GABBR2: variants seen among roughly 807,000 people sequenced by gnomAD.
GABBR2 encodes G-protein coupled receptor 51.
In GABBR2, 23 loss-of-function variants were observed where a neutral mutation model predicts 105.6. The observed-to-expected ratio is 0.22, with a 90% CI of 0.16 to 0.31. The LOEUF (loss-of-function observed/expected upper bound fraction) is 0.31, where lower values mean the gene tolerates loss of function less well. GABBR2 is among the 10% of genes least tolerant of loss of function. GABBR2 has a pLI of 1.00. For synonymous variants in GABBR2, 478 were observed against 499.7 expected (o/e 0.96, Z 0.58); for missense variants, 734 against 1,245.5 (o/e 0.59, Z 6.18).
intron 7 of GABBR2, among the ~76,000 whole-genome samples, chr9:98,428,327 C>T (rs188578172): frequency 1.3e-5 from 2 of 152,208 alleles, no homozygotes; most frequent in African/African-American, 4.8e-5. Flanking sequence ...GAAGGAGAAG[C>T]CACAGCCATG....
intron 1 of GABBR2, among the ~76,000 whole-genome samples, chr9:98,583,694 C>T (rs967800994): frequency 2.0e-5 from 3 of 152,232 alleles, no homozygotes; most frequent in African/African-American, 7.2e-5. Flanking sequence ...ATGATCAAGT[C>T]ACCAAATCAC....
At chr9:98,561,675 G>C (rs777518746) in intron 2 of GABBR2, among the ~76,000 whole-genome samples, 1 of 152,192 alleles carries the variant, frequency 6.6e-6, no homozygotes, top group Non-Finnish European at 1.5e-5. Flanking sequence ...TTGAGCCTAG[G>C]AGTTTGAATC....
chr9:98,651,139 G>GTTTTTTTT (rs55727456), intron 1 of GABBR2, among the ~76,000 whole-genome samples: 1 of 129,572 alleles, frequency 7.7e-6, no homozygotes, highest in Non-Finnish European at 1.6e-5. Flanking sequence ...ACACACACTG[G>GTTTTTTTT]TTTTTTTTTT....
intron 13 of GABBR2, among the ~76,000 whole-genome samples, chr9:98,344,444 C>G (rs994603222): frequency 6.6e-6 from 1 of 152,204 alleles, no homozygotes; most frequent in Non-Finnish European, 1.5e-5. Flanking sequence ...CCATCAGACT[C>G]TAAAGAAGAG....
chr9:98,420,330 C>G (rs955789358), intron 7 of GABBR2, among the ~76,000 whole-genome samples: 1 of 152,184 alleles, frequency 6.6e-6, no homozygotes, highest in Non-Finnish European at 1.5e-5. Context: ...GGAATGCCAG[C>G]CTCAGCCGGC....
At chr9:98,390,901 T>C (rs965792316) in intron 9 of GABBR2, among the ~76,000 whole-genome samples, 8 of 152,230 alleles carry the variant, frequency 5.3e-5, no homozygotes, top group African/African-American at 1.9e-4. Flanking sequence ...TCCTTCTTAC[T>C]CCTTCTTCTG....
rs140799903 is a variant in GABBR2 at position 98,652,300 on chromosome 9, A to C, written c.321+56117T>G. On this transcript the variant is annotated intron_variant, in intron 1 of 18. Coordinates refer to ENST00000259455, the MANE Select transcript of GABBR2 (RefSeq NM_005458.8). Reference sequence around the variant, plus strand: ...ACCTTCCCTCCCAGCCCCATTCTGCACTCTCAGGTCCAACTTGAACTCCCT... The same window carrying C: ...ACCTTCCCTCCCAGCCCCATTCTGCCCTCTCAGGTCCAACTTGAACTCCCT... 1.6e-3 allele frequency among the ~76,000 whole-genome samples: 249 copies of C among 152,096 alleles called. 1 individual carries two copies. The highest frequency in any genetic ancestry group is 5.7e-3 in the African/African-American group (236 of 41,470).
intron 1 of GABBR2, among the ~76,000 whole-genome samples, chr9:98,693,094 TCCTCAATCCCAG>T: frequency 6.6e-6 from 1 of 152,284 alleles, no homozygotes; most frequent in African/African-American, 2.4e-5. Context: ...ACCTCGAGGT[TCCTCAATCCCAG>T]CCTCTAAGCC....
chr9:98,631,952 G>A (rs1829820671), intron 1 of GABBR2, among the ~76,000 whole-genome samples: 1 of 152,156 alleles, frequency 6.6e-6, no homozygotes, highest in South Asian at 2.1e-4. Context: ...CAGACTTGAG[G>A]TTATGAAGCT....
At chr9:98,352,774 A>G (rs1015367054) in intron 13 of GABBR2, among the ~76,000 whole-genome samples, 2 of 151,908 alleles carry the variant, frequency 1.3e-5, no homozygotes, top group Non-Finnish European at 2.9e-5. Flanking sequence ...GGTGTGGTAC[A>G]TTGATGTTCT....
At chr9:98,451,578 T>C (rs1826230470) in intron 7 of GABBR2, among the ~76,000 whole-genome samples, 1 of 152,184 alleles carries the variant, frequency 6.6e-6, no homozygotes, top group Non-Finnish European at 1.5e-5. Flanking sequence ...TAGAACCACC[T>C]GCAGGGTTTG....
At chr9:98,557,087 T>C (rs1037058708) in intron 2 of GABBR2, among the ~76,000 whole-genome samples, 3 of 152,100 alleles carry the variant, frequency 2.0e-5, no homozygotes, top group Non-Finnish European at 4.4e-5. Context: ...AATATGAACA[T>C]GTTTTATAGG....
chr9:98,398,522 G>A (rs760818509), intron 8 of GABBR2, among the ~76,000 whole-genome samples: 1 of 152,082 alleles, frequency 6.6e-6, no homozygotes, highest in Non-Finnish European at 1.5e-5. Context: ...TGCTTGGAAA[G>A]GTCCTCCTCA....
At chr9:98,339,370 T>C (rs1375492381) in intron 13 of GABBR2, among the ~76,000 whole-genome samples, 1 of 151,324 alleles carries the variant, frequency 6.6e-6, no homozygotes, top group Admixed American at 6.6e-5. Flanking sequence ...GAAGGAGCAA[T>C]GAGCTGGAGT....
At chr9:98,492,757 TG>T (rs1827203457) in intron 4 of GABBR2, among the ~76,000 whole-genome samples, 1 of 152,204 alleles carries the variant, frequency 6.6e-6, no homozygotes, top group Admixed American at 6.5e-5. Flanking sequence ...ATGGTTAGAC[TG>T]GGGTTATGGG....
chr9:98,470,067 G>T (rs547861910), intron 6 of GABBR2, among the ~76,000 whole-genome samples: 71 of 152,264 alleles, frequency 4.7e-4, no homozygotes, highest in Admixed American at 1.3e-3. Context: ...TCAACTCTGG[G>T]CCCCACACCC....
chr9:98,484,886 T>A (rs1297900921), intron 4 of GABBR2, among the ~76,000 whole-genome samples: 3 of 152,160 alleles, frequency 2.0e-5, no homozygotes, highest in Non-Finnish European at 4.4e-5. Context: ...AAGAAGAAAT[T>A]TGGGAATAGC....
intron 7 of GABBR2, among the ~76,000 whole-genome samples, chr9:98,443,098 C>T (rs924262721): frequency 7.2e-5 from 11 of 152,176 alleles, no homozygotes; most frequent in Admixed American, 5.2e-4. Context: ...CATCTAGGAG[C>T]TTGGCATAGT....
chr9:98,491,081 G>A (rs746160827), intron 4 of GABBR2, among the ~76,000 whole-genome samples: 9 of 151,604 alleles, frequency 5.9e-5, no homozygotes, highest in Non-Finnish European at 1.2e-4. Flanking sequence ...GTCAATTTCC[G>A]TCTCTATTTT....
Sources: gnomAD v4.1 joint callset for allele counts (sites outside exome capture counted in the v4.1 genomes callset) on GRCh38, gnomAD v4.1.1 for gene constraint, MANE v1.5 for transcripts, NCBI Gene and HGNC (gene_info 2026-07-23, HGNC 2026-07-21) for gene names.